Variants in FAM219B observed in about 807,000 individuals in gnomAD.
FAM219B encodes family with sequence similarity 219 member B, also known as protein FAM219B.
FAM219B carries 18 observed loss-of-function variants against 19.9 expected under a neutral mutation model. That is an observed-to-expected ratio of 0.91 (90% confidence interval 0.63 to 1.34). FAM219B has a LOEUF of 1.34. Among genes scored for constraint, FAM219B ranks in the 40% most tolerant of loss-of-function variants. FAM219B has a pLI of 0.00. For missense variants in FAM219B, 283 were observed against 270.5 expected, an observed-to-expected ratio of 1.05 and a Z score of -0.32; for synonymous variants, 123 against 117.5, an observed-to-expected ratio of 1.05 and a Z score of -0.30.
intron 4 of FAM219B, among the ~76,000 whole-genome samples, chr15:74,904,398 G>A (rs1025454636): frequency 3.3e-5 from 5 of 152,146 alleles, no homozygotes; most frequent in African/African-American, 1.2e-4. Context: ...CTAGTAGCTG[G>A]GACTACAGGC....
Position 74,902,726 on chromosome 15 carries a change from G to A in FAM219B, c.490C>T (p.Pro164Ser). 1 of 1,612,834 alleles carries A rather than the reference G, an allele frequency of 6.2e-7. No individual in the cohort carries two copies. The highest frequency in any genetic ancestry group is 8.5e-7 in the Non-Finnish European group (1 of 1,179,420). Residue 164 changes from proline (P) to serine (S), a missense_variant, in exon 5 of 5, where the codon CCA becomes TCA. By Grantham distance (74) the Pro-to-Ser change is moderately conservative. Coordinates refer to ENST00000357635, the MANE Select transcript of FAM219B (RefSeq NM_020447.5). ...LQDGYHLDEI[P>S]DDEDLDLIPP... is the part of the protein sequence containing the mutation. Reference sequence around the variant, plus strand: ...ATGAGGTCCAAGTCCTCGTCATCTGGAATCTCATCCAGGTGATACCCATCC... The same window carrying A: ...ATGAGGTCCAAGTCCTCGTCATCTGAAATCTCATCCAGGTGATACCCATCC...
Position 74,906,833 on chromosome 15 carries a change from C to A in FAM219B, c.-33G>T. 1 of 1,243,758 alleles carries A rather than the reference C, an allele frequency of 8.0e-7. No homozygotes were observed. The highest frequency in any genetic ancestry group is 3.7e-5 in the South Asian group (1 of 27,056). The allele number at this position is 1,243,758 out of a possible 1,614,324, so 77.0% of individuals were successfully genotyped here. A position where few individuals can be genotyped will look rare whatever the true frequency, so the allele number is the denominator to read the frequency against. On this transcript the variant is annotated 5_prime_UTR_variant, in exon 1 of 5. Transcript: ENST00000357635. Reference sequence around the variant, plus strand: ...CCCCGCCCTGCCGGATGGTGCAACCCCGCCCGTGGCGAAAGAGTGACCGGC... The same window carrying A: ...CCCCGCCCTGCCGGATGGTGCAACCACGCCCGTGGCGAAAGAGTGACCGGC...
intron 2 of FAM219B, 33 bp downstream of exon 2, chr15:74,906,245 T>C (rs772108826): frequency 1.2e-6 from 2 of 1,607,704 alleles, no homozygotes; most frequent in East Asian, 2.2e-5. Context: ...TCTCTAAAGC[T>C]GCTGGCACAG....
chr15:74,905,112 C>A, intron 3 of FAM219B, 42 bp downstream of exon 3: 1 of 1,613,196 alleles, frequency 6.2e-7, no homozygotes, highest in South Asian at 1.1e-5. Context: ...CAGTCCCAGC[C>A]AAGTTGCTTC....
At position 74,902,479 on chromosome 15, in the gene FAM219B, G is replaced by GA. The variant is rs1197977099; in HGVS notation, c.*139dup. ...GCCCAGATGGGGGCCTCTGGCCTGA[G>GA]AAGCAACAGGTAAGGGCTACCTGCA... On this transcript the variant is annotated 3_prime_UTR_variant, in exon 5 of 5. Transcript: ENST00000357635. 3 of 789,074 alleles carry GA rather than the reference G, an allele frequency of 3.8e-6. No homozygotes were observed. The African/African-American group carries it at 5.3e-5, about 14-fold the overall frequency. 48.9% of individuals were successfully genotyped at this position (789,074 alleles called of 1,614,324 possible). A position where few individuals can be genotyped will look rare whatever the true frequency, so the allele number is the denominator to read the frequency against.
Position 74,901,736 on chromosome 15 carries a change from A to G in FAM219B, c.*883T>C, listed in dbSNP as rs2064967440. On this transcript the variant is annotated 3_prime_UTR_variant, in exon 5 of 5. Coordinates refer to ENST00000357635, the MANE Select transcript of FAM219B (RefSeq NM_020447.5). ...AAAAGTTTAAAAAGTAAACAATAGG[A>G]AGGCACCGGACTGCTCCCTGTAGCT... 1 of 188,866 alleles carries G rather than the reference A, an allele frequency of 5.3e-6. No individual in the cohort carries two copies. Among genetic ancestry groups the G allele is most frequent in the Non-Finnish European group, 1.1e-5 (1 of 92,958 alleles). 11.7% of individuals were successfully genotyped at this position (188,866 alleles called of 1,614,324 possible).
chr15:74,906,705 C>A lies in FAM219B; in HGVS notation c.96G>T (p.Gly32=). ...TATTACCGATCTGCCCGGAGGGTGG[C>A]CCCGCAGCTCCCGGCGCGCGGTCCC... ...GARDRAPGAA[G]PPSGQIGNRA... is the part of the protein sequence containing the mutation. The change falls in exon 1 of 5, where the codon GGG becomes GGT. Residue 32 remains glycine, a synonymous_variant. Transcript: ENST00000357635. The A allele has an allele frequency of 7.1e-7, 1 of 1,402,064 alleles. No homozygotes were observed. Among genetic ancestry groups the A allele is most frequent in the Non-Finnish European group, 9.3e-7 (1 of 1,076,508 alleles). 86.9% of individuals were successfully genotyped at this position (1,402,064 alleles called of 1,614,324 possible). A position where few individuals can be genotyped will look rare whatever the true frequency, so the allele number is the denominator to read the frequency against.
chr15:74,898,689 C>G (rs917815123), downstream of FAM219B: 1 of 152,288 alleles, frequency 6.6e-6, no homozygotes, highest in Non-Finnish European at 1.5e-5. Context: ...AGGCGCCCAC[C>G]ACCACGCCCA....
At position 74,905,237 on chromosome 15, in the gene FAM219B, G is replaced by A. The variant is rs190157421; in HGVS notation, c.303-6C>T. 1 of 1,613,512 alleles carries A rather than the reference G, an allele frequency of 6.2e-7. No individual in the cohort carries two copies. Among genetic ancestry groups the A allele is most frequent in the South Asian group, 1.1e-5 (1 of 91,044 alleles). On this transcript the variant is annotated splice_region_variant and splice_polypyrimidine_tract_variant and intron_variant, in intron 2 of 4. Transcript: ENST00000357635. ...CCTTGTTAAACTTCACTGACCTGAGGGGAGACGGGGGAGAAGAGACCAAAC... is the reference window on the plus strand; with the variant it reads ...CCTTGTTAAACTTCACTGACCTGAGAGGAGACGGGGGAGAAGAGACCAAAC...
rs557116291 is a variant in FAM219B, at chr15:74,904,561, C to G, written c.429+103G>C. 3.6e-6 allele frequency: 5 copies of G among 1,374,762 alleles called. No individual in the cohort carries two copies. In the African/African-American group the frequency reaches 7.1e-5, roughly 20 times the overall value. 85.2% of individuals were successfully genotyped at this position (1,374,762 alleles called of 1,614,324 possible). A position where few individuals can be genotyped will look rare whatever the true frequency, so the allele number is the denominator to read the frequency against. On this transcript the variant is annotated intron_variant, in intron 4 of 4. Transcript: ENST00000357635. ...GAAGATCGTAGAACAGACCAGAAGT[C>G]TGGCACAGTGCTGTGCTCACAGCGG...
rs1401239503 is a variant in FAM219B, at chr15:74,906,689, T to C, written c.112A>G (p.Ile38Val). ...CCCAGACGGAGGGCTCTATTACCGA[T>C]CTGCCCGGAGGGTGGCCCCGCAGCT... ...PGAAGPPSGQ[I>V]GNRALRLGER... Residue 38 changes from isoleucine (I) to valine (V), a missense_variant, in exon 1 of 5, where the codon ATC becomes GTC. Coordinates refer to ENST00000357635, the MANE Select transcript of FAM219B (RefSeq NM_020447.5). The C allele has an allele frequency of 1.4e-6, 2 of 1,467,238 alleles. No individual in the cohort carries two copies. Among genetic ancestry groups the C allele is most frequent in the African/African-American group, 1.5e-5 (1 of 68,366 alleles). The allele number at this position is 1,467,238 out of a possible 1,614,324, so 90.9% of individuals were successfully genotyped here. A position where few individuals can be genotyped will look rare whatever the true frequency, so the allele number is the denominator to read the frequency against.
In FAM219B at chr15:74,906,675, G is replaced by A. The variant is rs757182804; in HGVS notation, c.126C>T (p.Ala42=). The change falls in exon 1 of 5, where the codon GCC becomes GCT. Residue 42 remains alanine (A), a synonymous_variant. Coordinates refer to ENST00000357635, the MANE Select transcript of FAM219B (RefSeq NM_020447.5). ...CGGGGGTGCGCTCCCCCAGACGGAG[G>A]GCTCTATTACCGATCTGCCCGGAGG... ...GPPSGQIGNR[A]LRLGERTPAA... is the part of the protein sequence containing the mutation. The A allele has an allele frequency of 2.7e-6, 4 of 1,506,222 alleles. No individual in the cohort carries two copies. The East Asian group carries it at 9.6e-5, about 36-fold the overall frequency. 93.3% of individuals were successfully genotyped at this position (1,506,222 alleles called of 1,614,324 possible). A position where few individuals can be genotyped will look rare whatever the true frequency, so the allele number is the denominator to read the frequency against.
Position 74,906,639 on chromosome 15 carries a change from T to G in FAM219B, c.162A>C (p.Glu54Asp). The change falls in exon 1 of 5, where the codon GAA (glutamate) becomes GAC (aspartate). Residue 54 changes from glutamate to aspartate, a missense_variant. Physicochemically the swap from Glu to Asp is conservative, Grantham distance 45. Transcript: ENST00000357635. ...GCGTCACCATGTATGGCCCCCGCTT[T>G]TCCACGGCCGCGGGGGTGCGCTCCC... ...RLGERTPAAV[E>D]KRGPYMVTRA... 1 of 1,508,350 alleles carries G rather than the reference T, an allele frequency of 6.6e-7. No individual in the cohort carries two copies. The highest frequency in any genetic ancestry group is 1.4e-5 in the South Asian group (1 of 73,760). 93.4% of individuals were successfully genotyped at this position (1,508,350 alleles called of 1,614,324 possible).
In FAM219B at chr15:74,902,844, C is replaced by T. The variant is rs192954130; in HGVS notation, c.430-58G>A. The T allele has an allele frequency of 1.8e-5, 28 of 1,546,456 alleles. No homozygotes were observed. In the East Asian group the frequency reaches 3.9e-4, roughly 21 times the overall value. On this transcript the variant is annotated intron_variant, in intron 4 of 4. Transcript: ENST00000357635. ...AGATGCAAAGCAGAAGTAACTGCTA[C>T]CCAAAAGACAGAACCACATTCCGTT...
chr15:74,903,012 G>A (rs1190133507), intron 4 of FAM219B, among the ~76,000 whole-genome samples: 1 of 152,126 alleles, frequency 6.6e-6, no homozygotes, highest in Non-Finnish European at 1.5e-5. Context: ...CTGACCCCCA[G>A]GGATCTGTTC....
chr15:74,902,540 C>A lies in FAM219B; in HGVS notation c.*79G>T. 1 of 1,448,564 alleles carries A rather than the reference C, an allele frequency of 6.9e-7. No homozygotes were observed. Among genetic ancestry groups the A allele is most frequent in the Non-Finnish European group, 9.3e-7 (1 of 1,078,086 alleles). The allele number at this position is 1,448,564 out of a possible 1,614,324, so 89.7% of individuals were successfully genotyped here. ...TAGGGGTCAGTGACTTCAGTGCTCACTGCACTGTGTGAGCTATGAGTGGCC... is the reference window on the plus strand; with the variant it reads ...TAGGGGTCAGTGACTTCAGTGCTCAATGCACTGTGTGAGCTATGAGTGGCC... On this transcript the variant is annotated 3_prime_UTR_variant, in exon 5 of 5. Coordinates refer to ENST00000357635, the MANE Select transcript of FAM219B (RefSeq NM_020447.5).
chr15:74,899,234 T>C (rs2064870096), downstream of FAM219B: 1 of 152,230 alleles, frequency 6.6e-6, no homozygotes, highest in Non-Finnish European at 1.5e-5. Flanking sequence ...TCGTAGATCC[T>C]GTCACCACAG....
intron 2 of FAM219B, chr15:74,906,035 A>C: frequency 2.0e-6 from 1 of 495,612 alleles, no homozygotes; most frequent in Non-Finnish European, 3.6e-6. Context: ...GAGGAGGAGA[A>C]TGATAGTGAA....
At chr15:74,906,408 C>G in intron 1 of FAM219B, 43 bp from the exon 2 acceptor site, 1 of 1,574,006 alleles carries the variant, frequency 6.4e-7, no homozygotes, top group Non-Finnish European at 8.6e-7. Flanking sequence ...TTCCCCACTC[C>G]GCCGCGTCTC....
Sources: allele counts gnomAD v4.1 joint callset (sites outside exome capture counted in the v4.1 genomes callset), GRCh38; gene constraint gnomAD v4.1.1; transcripts MANE v1.5; gene names NCBI Gene and HGNC (gene_info 2026-07-23, HGNC 2026-07-21).